SAE1: variants seen among roughly 807,000 people sequenced by gnomAD.
SAE1 encodes the protein SUMO1 activating enzyme subunit 1, also known as SUMO-activating enzyme subunit 1.
In SAE1, 11 loss-of-function variants were observed where a neutral mutation model predicts 40.6. That is an observed-to-expected ratio of 0.27 (90% CI 0.17 to 0.45). The LOEUF (loss-of-function observed/expected upper bound fraction) is 0.45, where lower values mean the gene tolerates loss of function less well. Among genes scored for constraint, SAE1 ranks in the 20% least tolerant of loss-of-function variants. The probability of loss-of-function intolerance (pLI) is 1.00; values close to 1 mark genes in which losing one functional copy is unlikely to be tolerated. For missense variants in SAE1, 373 were observed against 427.3 expected (o/e 0.87, Z 1.12); for synonymous variants, 155 against 154.3 (o/e 1.00, Z -0.03).
chr19:47,171,951 A>C (rs1040288071), intron 6 of SAE1, among the ~76,000 whole-genome samples: 1 of 151,204 alleles, frequency 6.6e-6, no homozygotes, highest in Admixed American at 6.6e-5. Flanking sequence ...ACGGAGTCTC[A>C]CTCTGTCACC....
At chr19:47,141,937 A>G (rs531928089) in intron 1 of SAE1, among the ~76,000 whole-genome samples, 3 of 152,278 alleles carry the variant, frequency 2.0e-5, no homozygotes, top group Admixed American at 6.5e-5. Context: ...ATCTGAAAAA[A>G]TTGTGACTCT....
intron 6 of SAE1, among the ~76,000 whole-genome samples, chr19:47,185,079 CA>C (rs749233726): frequency 6.6e-5 from 10 of 151,884 alleles, no homozygotes; most frequent in Non-Finnish European, 1.3e-4. Flanking sequence ...CTCGGCCTTC[CA>C]AGTACTGGGA....
intron 1 of SAE1, among the ~76,000 whole-genome samples, chr19:47,131,645 C>T (rs2058143758): frequency 6.9e-6 from 1 of 145,096 alleles, no homozygotes; most frequent in Non-Finnish European, 1.5e-5. Flanking sequence ...GGGGCTGTGT[C>T]TTGATAGGAC....
At chr19:47,184,280 G>A (rs1000412755) in intron 6 of SAE1, among the ~76,000 whole-genome samples, 5 of 152,130 alleles carry the variant, frequency 3.3e-5, no homozygotes, top group Non-Finnish European at 7.4e-5. Flanking sequence ...ACACTATAAC[G>A]TAGAGGTTAA....
chr19:47,195,655 G>GTCCCTTCCCCTTTCCCTT (rs2058608932), intron 6 of SAE1, among the ~76,000 whole-genome samples: 3 of 151,244 alleles, frequency 2.0e-5, no homozygotes, highest in Admixed American at 2.0e-4. Context: ...TCTCTTCTAG[G>GTCCCTTCCCCTTTCCCTT]TCCCTTCCCC....
intron 6 of SAE1, among the ~76,000 whole-genome samples, chr19:47,182,496 T>TGTGTGTGTGTGTGTGCGCGC (rs143321323): frequency 8.9e-5 from 13 of 145,938 alleles, no homozygotes; most frequent in Admixed American, 8.2e-4. Flanking sequence ...TGTGTGTGTG[T>TGTGTGTGTGTGTGTGCGCGC]GCGCGCACGC....
intron 5 of SAE1, among the ~76,000 whole-genome samples, chr19:47,155,845 A>G (rs1182634686): frequency 2.1e-5 from 3 of 144,012 alleles, no homozygotes; most frequent in Admixed American, 7.1e-5. Context: ...GGTTCAAGAG[A>G]TTTTCCTGCC....
At chr19:47,151,647 A>C (rs923065414) in intron 3 of SAE1, among the ~76,000 whole-genome samples, 2 of 152,222 alleles carry the variant, frequency 1.3e-5, no homozygotes, top group South Asian at 2.1e-4. Flanking sequence ...ATGGGCTTGG[A>C]AGGATGGATC....
intron 7 of SAE1, among the ~76,000 whole-genome samples, chr19:47,201,301 C>A (rs939211304): frequency 8.8e-5 from 13 of 146,978 alleles, no homozygotes; most frequent in African/African-American, 3.1e-4. Context: ...CCCAGCTTGG[C>A]CTCCGAAAGT....
At chr19:47,174,363 G>A (rs921623625) in intron 6 of SAE1, among the ~76,000 whole-genome samples, 4 of 147,924 alleles carry the variant, frequency 2.7e-5, no homozygotes, top group Non-Finnish European at 5.9e-5. Context: ...TAACTTAAGC[G>A]TATAGGTCAG....
intron 7 of SAE1, among the ~76,000 whole-genome samples, chr19:47,200,537 A>T (rs1355837750): frequency 6.6e-6 from 1 of 151,208 alleles, no homozygotes; most frequent in Non-Finnish European, 1.5e-5. Context: ...GATAATTAAT[A>T]CTTATTTATT....
In SAE1 at chr19:47,185,596, C is replaced by T. The variant is rs542091391; in HGVS notation, c.734-11637C>T. Among the ~76,000 whole-genome samples, 16 of 151,608 alleles carry T rather than the reference C, an allele frequency of 1.1e-4. No individual in the cohort carries two copies. The South Asian group carries it at 2.7e-3, about 26-fold the overall frequency. On this transcript the variant is annotated intron_variant, in intron 6 of 8. Coordinates refer to ENST00000270225, the MANE Select transcript of SAE1 (RefSeq NM_005500.3). ...GCTGGGATTACAGGCTGAGCTACTG[C>T]GCCCAGCCTATTTTTGTTTTTTTGA...
chr19:47,199,390 C>CAAAAAA (rs35275499), intron 7 of SAE1, among the ~76,000 whole-genome samples: 4 of 56,310 alleles, frequency 7.1e-5, no homozygotes, highest in Non-Finnish European at 1.0e-4. Context: ...GACTCCTTCT[C>CAAAAAA]AAAAAAAAAA....
intron 1 of SAE1, among the ~76,000 whole-genome samples, chr19:47,133,757 T>C (rs2058161491): frequency 6.6e-6 from 1 of 152,158 alleles, no homozygotes; most frequent in Non-Finnish European, 1.5e-5. Context: ...CTTGAGCACC[T>C]ACCTGGAACG....
chr19:47,180,433 T>C (rs2058498670), intron 6 of SAE1: 1 of 363,612 alleles, frequency 2.8e-6, no homozygotes, highest in Admixed American at 3.7e-5. Flanking sequence ...AAAGTCTATC[T>C]TTGACTATCA....
chr19:47,131,215 A>G, intron 1 of SAE1, 187 bp downstream of exon 1: 2 of 1,354,250 alleles, frequency 1.5e-6, no homozygotes, highest in Non-Finnish European at 1.9e-6. Context: ...AGGTCTGGGA[A>G]GTGGTTGGGA....
intron 5 of SAE1, among the ~76,000 whole-genome samples, chr19:47,160,433 C>T (rs1205805291): frequency 3.7e-5 from 5 of 136,570 alleles, no homozygotes; most frequent in Admixed American, 8.0e-5. Flanking sequence ...CTCGCTCTGT[C>T]GCCCAGGCTG....
chr19:47,177,851 G>A lies in SAE1; in HGVS notation c.733+7928G>A, dbSNP rs74524896. Among the ~76,000 whole-genome samples, 646 of 152,246 alleles carry A rather than the reference G, an allele frequency of 4.2e-3. 6 individuals carry two copies. Among genetic ancestry groups the A allele is most frequent in the African/African-American group, 0.015 (612 of 41,556 alleles). ...CAGGTGGGAAAGAGGGAAGAATATTGCAGAGCAACACATGCACAGGGCCAG... is the reference window on the plus strand; with the variant it reads ...CAGGTGGGAAAGAGGGAAGAATATTACAGAGCAACACATGCACAGGGCCAG... On this transcript the variant is annotated intron_variant, in intron 6 of 8. Transcript: ENST00000270225.
At chr19:47,139,712 C>T (rs1407881431) in intron 1 of SAE1, among the ~76,000 whole-genome samples, 1 of 150,794 alleles carries the variant, frequency 6.6e-6, no homozygotes, top group Non-Finnish European at 1.5e-5. Flanking sequence ...TCTCAGCCTC[C>T]CGAGTAGCTG....
Sources: gnomAD v4.1 joint callset for allele counts (sites outside exome capture counted in the v4.1 genomes callset) on GRCh38, gnomAD v4.1.1 for gene constraint, MANE v1.5 for transcripts, NCBI Gene and HGNC (gene_info 2026-07-23, HGNC 2026-07-21) for gene names.